SNX29: variants seen among roughly 807,000 people sequenced by gnomAD.
SNX29 encodes the protein sorting nexin 29, also known as sorting nexin-29.
SNX29 carries 78 observed loss-of-function variants against 102.1 expected under a neutral mutation model. The observed-to-expected ratio is 0.76, with a 90% CI of 0.64 to 0.92. The LOEUF is 0.92. SNX29 is among the 40% of genes least tolerant of loss of function. The pLI, the probability that SNX29 is intolerant of heterozygous loss-of-function variation, is 0.00. For missense variants in SNX29, 1,280 were observed against 1,061.7 expected, an observed-to-expected ratio of 1.21 and a Z score of -2.86; for synonymous variants, 580 against 414.5, an observed-to-expected ratio of 1.40 and a Z score of -4.85.
At chr16:12,298,334 G>C (rs546973943) in intron 15 of SNX29, among the ~76,000 whole-genome samples, 14 of 152,256 alleles carry the variant, frequency 9.2e-5, no homozygotes, top group African/African-American at 3.4e-4. Flanking sequence ...AATTTCCTTA[G>C]ACTCCTCATC....
intron 19 of SNX29, among the ~76,000 whole-genome samples, chr16:12,492,970 C>G (rs1409645475): frequency 1.3e-5 from 2 of 152,186 alleles, no homozygotes; most frequent in African/African-American, 2.4e-5. Flanking sequence ...AGGGTGATGC[C>G]TCCAGCTTTG....
rs78221502 is a variant in SNX29, at chr16:12,559,790, G to T, written c.2319-8716G>T. On this transcript the variant is annotated intron_variant, in intron 20 of 20. Coordinates refer to ENST00000566228, the MANE Select transcript of SNX29 (RefSeq NM_032167.5). ...TCTGAAAGCATTACACAGCACCTTC[G>T]TCCTTACTATCTTCCAGGCCATTTC... Among the ~76,000 whole-genome samples, 418 of 152,144 alleles carry T rather than the reference G, an allele frequency of 2.7e-3. 15 individuals are homozygous for T. The East Asian group carries it at 0.071, about 26-fold the overall frequency.
intron 13 of SNX29, among the ~76,000 whole-genome samples, chr16:12,162,432 T>C (rs2055827235): frequency 6.6e-6 from 1 of 152,164 alleles, no homozygotes; most frequent in African/African-American, 2.4e-5. Flanking sequence ...AGAGGGTAAA[T>C]ATTTTTGGCT....
At chr16:12,352,750 C>G (rs984280637) in intron 15 of SNX29, among the ~76,000 whole-genome samples, 1 of 152,196 alleles carries the variant, frequency 6.6e-6, no homozygotes, top group African/African-American at 2.4e-5. Context: ...TCCTCTGTCC[C>G]TTGCTGGGCT....
intron 20 of SNX29, among the ~76,000 whole-genome samples, chr16:12,535,830 C>T (rs895657457): frequency 1.3e-5 from 2 of 152,146 alleles, no homozygotes; most frequent in East Asian, 1.9e-4. Context: ...ACTTTGGCCT[C>T]TCAGTGCTTA....
chr16:12,402,375 G>C (rs185186012), intron 17 of SNX29, among the ~76,000 whole-genome samples: 5 of 152,368 alleles, frequency 3.3e-5, no homozygotes. Flanking sequence ...AGCCCAGAAG[G>C]CTGGCGAGTT....
chr16:12,323,159 G>C (rs1419043630), intron 15 of SNX29, among the ~76,000 whole-genome samples: 1 of 79,770 alleles, frequency 1.3e-5, no homozygotes, highest in African/African-American at 4.2e-5. Context: ...TCAGGATGTG[G>C]TCACTGGAGT....
intron 3 of SNX29, among the ~76,000 whole-genome samples, chr16:12,013,543 C>CGAGAGAGAGAGAGA (rs1433909955): frequency 2.9e-4 from 18 of 61,868 alleles, no homozygotes; most frequent in African/African-American, 7.9e-4. Flanking sequence ...ATATATATAT[C>CGAGAGAGAGAGAGA]GAGAGAGGAG....
chr16:12,180,415 T>G (rs1379819391), intron 13 of SNX29, among the ~76,000 whole-genome samples: 2 of 152,190 alleles, frequency 1.3e-5, no homozygotes, highest in African/African-American at 2.4e-5. Context: ...GCAGCTATAT[T>G]CTATTACTTA....
chr16:12,431,328 A>G (rs537462706), intron 18 of SNX29, among the ~76,000 whole-genome samples: 1 of 149,690 alleles, frequency 6.7e-6, no homozygotes, highest in Admixed American at 6.6e-5. Flanking sequence ...CATCCCTCCA[A>G]TTAACAGCCC....
At chr16:12,305,311 C>T (rs931551892) in intron 15 of SNX29, among the ~76,000 whole-genome samples, 27 of 152,198 alleles carry the variant, frequency 1.8e-4, no homozygotes, top group Admixed American at 3.9e-4. Context: ...CGAAGATCCC[C>T]CCCGGCCACG....
intron 14 of SNX29, among the ~76,000 whole-genome samples, chr16:12,240,623 G>A (rs1459565469): frequency 1.7e-5 from 2 of 117,980 alleles, no homozygotes; most frequent in Non-Finnish European, 3.2e-5. Context: ...GTGAGACGGA[G>A]TCTCGCTCTG....
intron 14 of SNX29, among the ~76,000 whole-genome samples, chr16:12,243,630 C>G (rs1234902259): frequency 3.3e-5 from 5 of 152,138 alleles, no homozygotes; most frequent in African/African-American, 1.2e-4. Flanking sequence ...TATTTTGGCC[C>G]AGACATTTTG....
At chr16:12,130,331 C>T (rs1385002956) in intron 13 of SNX29, among the ~76,000 whole-genome samples, 10 of 150,562 alleles carry the variant, frequency 6.6e-5, no homozygotes, top group East Asian at 2.0e-4. Flanking sequence ...AAAAATTAGC[C>T]GGGAGTGGTG....
At chr16:12,493,711 C>T (rs566023317) in intron 19 of SNX29, among the ~76,000 whole-genome samples, 4 of 152,296 alleles carry the variant, frequency 2.6e-5, no homozygotes, top group African/African-American at 2.4e-5. Flanking sequence ...CCTGCCTCAG[C>T]CTCCCAAGTA....
At chr16:12,565,296 C>T (rs998900136) in intron 20 of SNX29, among the ~76,000 whole-genome samples, 12 of 152,202 alleles carry the variant, frequency 7.9e-5, no homozygotes. Context: ...CAGCCACCAG[C>T]ACTCTCCATT....
chr16:12,478,974 A>T (rs2087783900), intron 19 of SNX29, among the ~76,000 whole-genome samples: 1 of 152,194 alleles, frequency 6.6e-6, no homozygotes, highest in African/African-American at 2.4e-5. Flanking sequence ...ATTGGAAGGT[A>T]GAGCCATGAC....
At chr16:12,413,132 G>C (rs1278936972) in intron 18 of SNX29, among the ~76,000 whole-genome samples, 1 of 152,152 alleles carries the variant, frequency 6.6e-6, no homozygotes, top group East Asian at 1.9e-4. Context: ...ATTTGGTTTT[G>C]GTTAGGAAGG....
intron 15 of SNX29, among the ~76,000 whole-genome samples, chr16:12,340,169 A>G (rs1281069017): frequency 1.3e-5 from 2 of 152,184 alleles, no homozygotes; most frequent in Non-Finnish European, 2.9e-5. Flanking sequence ...CATCATCGTC[A>G]TCTTCTCCAT....
Sources: allele counts gnomAD v4.1 joint callset (sites outside exome capture counted in the v4.1 genomes callset), GRCh38; gene constraint gnomAD v4.1.1; transcripts MANE v1.5; gene names NCBI Gene and HGNC (gene_info 2026-07-23, HGNC 2026-07-21).